MAGI2: variants seen among roughly 807,000 people sequenced by gnomAD.
The protein encoded by MAGI2 is membrane-associated guanylate kinase, WW and PDZ domain-containing protein 2.
Under a neutral mutation model 133.3 loss-of-function variants are expected in MAGI2, and 35 were observed. The observed-to-expected ratio is 0.26, with a 90% CI of 0.20 to 0.35. MAGI2 has a LOEUF of 0.35. Ranked by LOEUF, MAGI2 falls within the 10% of genes least tolerant of loss-of-function variation. MAGI2 has a pLI of 1.00. For synonymous variants in MAGI2, 729 were observed against 710.6 expected (o/e 1.03, Z -0.41); for missense variants, 1,636 against 1,863.4 (o/e 0.88, Z 2.25).
At chr7:79,080,162 ATGCATACGC>A (rs766970071) in intron 1 of MAGI2, among the ~76,000 whole-genome samples, 1 of 152,126 alleles carries the variant, frequency 6.6e-6, no homozygotes, top group African/African-American at 2.4e-5. Flanking sequence ...ATCTGTTTAG[ATGCATACGC>A]TGAATTAATG....
chr7:78,823,444 G>A (rs374391215), intron 2 of MAGI2, among the ~76,000 whole-genome samples: 3 of 151,980 alleles, frequency 2.0e-5, no homozygotes, highest in African/African-American at 7.2e-5. Context: ...TTAGCTGGGC[G>A]TGGTGGCGGG....
chr7:78,660,021 G>T (rs12540768), intron 2 of MAGI2, among the ~76,000 whole-genome samples: 49,057 of 150,226 alleles, frequency 0.33, 8,040 homozygotes, highest in Admixed American at 0.35. Flanking sequence ...CTATTGCAAG[G>T]ACAAAAAACC....
intron 2 of MAGI2, among the ~76,000 whole-genome samples, chr7:78,959,842 T>G (rs1802698863): frequency 6.6e-6 from 1 of 152,202 alleles, no homozygotes; most frequent in African/African-American, 2.4e-5. Flanking sequence ...AACACGGATG[T>G]GAGCCATTCC....
intron 10 of MAGI2, among the ~76,000 whole-genome samples, chr7:78,204,976 C>T (rs1428122469): frequency 3.9e-5 from 6 of 152,140 alleles, no homozygotes; most frequent in Admixed American, 1.3e-4. Flanking sequence ...ATATTTGTAA[C>T]TCTGCATCTA....
At chr7:79,196,598 A>G (rs1241942810) in intron 1 of MAGI2, among the ~76,000 whole-genome samples, 1 of 151,942 alleles carries the variant, frequency 6.6e-6, no homozygotes, top group Non-Finnish European at 1.5e-5. Flanking sequence ...TTAGTTAATA[A>G]TCAATGTTTA....
intron 1 of MAGI2, among the ~76,000 whole-genome samples, chr7:79,108,630 G>A (rs1028860566): frequency 1.4e-4 from 22 of 152,194 alleles, no homozygotes; most frequent in Middle Eastern, 3.4e-3. Flanking sequence ...GTATATCCCT[G>A]CTCTATTCAT....
intron 1 of MAGI2, among the ~76,000 whole-genome samples, chr7:79,237,821 T>C (rs894789553): frequency 1.3e-5 from 2 of 152,224 alleles, no homozygotes; most frequent in Admixed American, 1.3e-4. Context: ...TTTGGCACTT[T>C]CTAATTTTTC....
At chr7:78,488,163 C>A (rs1793239514) in intron 6 of MAGI2, among the ~76,000 whole-genome samples, 1 of 151,998 alleles carries the variant, frequency 6.6e-6, no homozygotes, top group Non-Finnish European at 1.5e-5. Flanking sequence ...TCATCCTGAT[C>A]TATAAACTGA....
At chr7:78,908,266 A>G (rs2151607973) in intron 2 of MAGI2, among the ~76,000 whole-genome samples, 1 of 152,356 alleles carries the variant, frequency 6.6e-6, no homozygotes, top group Middle Eastern at 3.4e-3. Context: ...GAATGTTGTC[A>G]TTATATTTGT....
At chr7:79,261,894 T>A (rs1032222428) in intron 1 of MAGI2, among the ~76,000 whole-genome samples, 5 of 152,174 alleles carry the variant, frequency 3.3e-5, no homozygotes, top group African/African-American at 1.2e-4. Flanking sequence ...TCTGGGAAAC[T>A]CTTACCCCAA....
intron 4 of MAGI2, among the ~76,000 whole-genome samples, chr7:78,515,981 A>G (rs572100673): frequency 8.5e-5 from 13 of 152,342 alleles, no homozygotes; most frequent in Non-Finnish European, 1.0e-4. Flanking sequence ...AAAGTTACCA[A>G]CAAGTACCAG....
chr7:79,445,864 C>A (rs1306245260), intron 1 of MAGI2, among the ~76,000 whole-genome samples: 1 of 152,148 alleles, frequency 6.6e-6, no homozygotes, highest in East Asian at 1.9e-4. Context: ...GACACATGCC[C>A]ACATATGTTT....
intron 10 of MAGI2, among the ~76,000 whole-genome samples, chr7:78,224,376 C>CT (rs908423642): frequency 5.9e-5 from 9 of 152,034 alleles, no homozygotes; most frequent in Admixed American, 1.3e-4. Flanking sequence ...TATAAGTGCT[C>CT]TTTTTTTGAC....
At chr7:78,305,199 CT>C (rs1266313353) in intron 9 of MAGI2, among the ~76,000 whole-genome samples, 1 of 152,100 alleles carries the variant, frequency 6.6e-6, no homozygotes, top group African/African-American at 2.4e-5. Flanking sequence ...CCTTTCTTGT[CT>C]GATTTTCTCC....
chr7:78,203,704 G>C (rs1829477094), intron 10 of MAGI2, among the ~76,000 whole-genome samples: 1 of 152,234 alleles, frequency 6.6e-6, no homozygotes, highest in African/African-American at 2.4e-5. Flanking sequence ...TGGTAAGAGA[G>C]AGCATCAGAA....
chr7:78,382,040 T>C (rs1346274121), intron 6 of MAGI2, among the ~76,000 whole-genome samples: 1 of 152,142 alleles, frequency 6.6e-6, no homozygotes, highest in African/African-American at 2.4e-5. Flanking sequence ...GGAAACAATC[T>C]AAATACCCAA....
intron 21 of MAGI2, among the ~76,000 whole-genome samples, chr7:78,033,822 G>A (rs377325213): frequency 2.6e-4 from 39 of 152,208 alleles, no homozygotes; most frequent in African/African-American, 5.5e-4. Flanking sequence ...ATGGGATGGT[G>A]GTGGAAGAGG....
chr7:79,303,599 A>T (rs1563095402), intron 1 of MAGI2, among the ~76,000 whole-genome samples: 1 of 152,206 alleles, frequency 6.6e-6, no homozygotes, highest in Non-Finnish European at 1.5e-5. Context: ...GATGCTCAGA[A>T]TTTAAGGTTG....
At chr7:79,380,209 C>T (rs933108430) in intron 1 of MAGI2, among the ~76,000 whole-genome samples, 13 of 151,832 alleles carry the variant, frequency 8.6e-5, no homozygotes. Context: ...AGTGAACAGG[C>T]AACCTACAGA....
Sources: allele counts gnomAD v4.1 joint callset (sites outside exome capture counted in the v4.1 genomes callset), GRCh38; gene constraint gnomAD v4.1.1; transcripts MANE v1.5; gene names NCBI Gene and HGNC (gene_info 2026-07-23, HGNC 2026-07-21).